PCSK5: variants seen among roughly 807,000 people sequenced by gnomAD.
The protein encoded by PCSK5 is proprotein convertase subtilisin/kexin type 5, also known as prohormone convertase 5.
In PCSK5, 129 loss-of-function variants were observed where a neutral mutation model predicts 233.2. The ratio of observed to expected loss-of-function variants is 0.55; its 90% CI spans 0.48 to 0.64. The LOEUF (loss-of-function observed/expected upper bound fraction) is 0.64, where lower values mean the gene tolerates loss of function less well. PCSK5 is among the 30% of genes least tolerant of loss of function. The pLI is 0.00. For synonymous variants in PCSK5, 825 were observed against 879.2 expected, an observed-to-expected ratio of 0.94 and a Z score of 1.09; for missense variants, 2,076 against 2,430.1, an observed-to-expected ratio of 0.85 and a Z score of 3.06.
intron 24 of PCSK5, among the ~76,000 whole-genome samples, chr9:76,278,074 G>C (rs1256098367): frequency 2.0e-5 from 3 of 152,122 alleles, no homozygotes; most frequent in African/African-American, 7.2e-5. Flanking sequence ...GGAGCAGTAG[G>C]ACATCTCAAC....
chr9:76,294,408 A>C (rs1828373543), intron 25 of PCSK5, among the ~76,000 whole-genome samples: 1 of 152,140 alleles, frequency 6.6e-6, no homozygotes, highest in Non-Finnish European at 1.5e-5. Context: ...ATAAAAGCTA[A>C]GCTACTTCGC....
At chr9:76,199,442 A>C (rs1824828155) in intron 20 of PCSK5, among the ~76,000 whole-genome samples, 1 of 152,338 alleles carries the variant, frequency 6.6e-6, no homozygotes, top group Admixed American at 6.5e-5. Flanking sequence ...AATGTAGAAT[A>C]AAGGTGAATT....
chr9:76,183,564 G>T (rs187699460), intron 16 of PCSK5, among the ~76,000 whole-genome samples: 4 of 152,218 alleles, frequency 2.6e-5, no homozygotes, highest in Non-Finnish European at 4.4e-5. Flanking sequence ...CCCACTGGAG[G>T]TGCTTAAAGC....
chr9:76,042,843 T>G (rs1829181158), intron 5 of PCSK5, among the ~76,000 whole-genome samples: 1 of 152,200 alleles, frequency 6.6e-6, no homozygotes, highest in Admixed American at 6.5e-5. Flanking sequence ...TGAGATGTTT[T>G]TAATGAACGT....
intron 37 of PCSK5, 122 bp downstream of exon 37, chr9:76,354,341 C>A: frequency 1.4e-6 from 1 of 709,974 alleles, no homozygotes; most frequent in Non-Finnish European, 2.3e-6. Flanking sequence ...TTATTGAGTG[C>A]CTACTATGGG....
intron 10 of PCSK5, among the ~76,000 whole-genome samples, chr9:76,150,875 G>A (rs1348762316): frequency 6.6e-6 from 1 of 152,088 alleles, no homozygotes; most frequent in Admixed American, 6.6e-5. Flanking sequence ...TTCTGGGAGC[G>A]TTCTGGCTTT....
chr9:75,893,493 C>T (rs1339616067), intron 1 of PCSK5, among the ~76,000 whole-genome samples: 1 of 152,136 alleles, frequency 6.6e-6, no homozygotes, highest in East Asian at 1.9e-4. Flanking sequence ...TTAGTTCAAA[C>T]GCACCTAGCT....
intron 24 of PCSK5, among the ~76,000 whole-genome samples, chr9:76,242,427 T>G (rs994613775): frequency 2.0e-5 from 3 of 152,206 alleles, no homozygotes; most frequent in African/African-American, 7.2e-5. Flanking sequence ...TATAAAATGA[T>G]GCTTATATTA....
chr9:76,312,970 AG>A (rs150626835), intron 30 of PCSK5, among the ~76,000 whole-genome samples: 1,931 of 152,320 alleles, frequency 0.013, 32 homozygotes, highest in African/African-American at 0.043. Flanking sequence ...AAGGGCTAAG[AG>A]ATTCCAAGAG....
chr9:75,901,230 A>G (rs976993259), intron 1 of PCSK5, among the ~76,000 whole-genome samples: 17 of 152,234 alleles, frequency 1.1e-4, no homozygotes, highest in African/African-American at 3.9e-4. Context: ...CCAAATGCCC[A>G]TCAATTATAG....
chr9:76,040,498 G>A (rs377713833), intron 5 of PCSK5, among the ~76,000 whole-genome samples: 67 of 151,790 alleles, frequency 4.4e-4, no homozygotes, highest in African/African-American at 1.5e-3. Flanking sequence ...CAACAATTCC[G>A]AGCTTCCCAA....
chr9:76,057,107 C>T (rs959764109), intron 5 of PCSK5, among the ~76,000 whole-genome samples: 1 of 152,046 alleles, frequency 6.6e-6, no homozygotes, highest in Admixed American at 6.5e-5. Flanking sequence ...AGTTTTCTCC[C>T]TATGCTGAAA....
chr9:76,028,836 T>C (rs2131500290), intron 5 of PCSK5, among the ~76,000 whole-genome samples: 1 of 152,290 alleles, frequency 6.6e-6, no homozygotes, highest in South Asian at 2.1e-4. Context: ...GCTGAATTTC[T>C]TCCCAAATTT....
intron 2 of PCSK5, among the ~76,000 whole-genome samples, chr9:75,954,452 G>C (rs1211458054): frequency 3.3e-5 from 5 of 152,118 alleles, no homozygotes; most frequent in Non-Finnish European, 7.4e-5. Flanking sequence ...AACTGATGAG[G>C]CACCCAGGAA....
intron 5 of PCSK5, among the ~76,000 whole-genome samples, chr9:76,041,672 T>C (rs1470513157): frequency 1.3e-5 from 2 of 151,602 alleles, no homozygotes; most frequent in Non-Finnish European, 2.9e-5. Flanking sequence ...AAACCCCGTC[T>C]CTACTAAAAA....
intron 20 of PCSK5, among the ~76,000 whole-genome samples, chr9:76,197,701 ACC>A (rs140160456): frequency 0.36 from 54,510 of 151,616 alleles, 10,240 homozygotes; most frequent in East Asian, 0.66. Context: ...CCAATTTAAT[ACC>A]CCCCCTCCTT....
chr9:76,265,200 A>G (rs1026977044), intron 24 of PCSK5, among the ~76,000 whole-genome samples: 50 of 152,126 alleles, frequency 3.3e-4, no homozygotes, highest in African/African-American at 1.2e-3. Flanking sequence ...AAGGGAACTA[A>G]ACATGGGGTA....
chr9:76,019,322 T>G (rs538695260), intron 3 of PCSK5, among the ~76,000 whole-genome samples: 2 of 152,112 alleles, frequency 1.3e-5, no homozygotes, highest in Non-Finnish European at 2.9e-5. Flanking sequence ...TTTGAGTATA[T>G]GTACCCTTTA....
intron 3 of PCSK5, among the ~76,000 whole-genome samples, chr9:76,006,455 C>A (rs982694961): frequency 6.6e-6 from 1 of 151,682 alleles, no homozygotes. Context: ...CCTTTATATG[C>A]CCTTCATTCC....
Sources: gnomAD v4.1 joint callset for allele counts (sites outside exome capture counted in the v4.1 genomes callset) on GRCh38, gnomAD v4.1.1 for gene constraint, MANE v1.5 for transcripts, NCBI Gene and HGNC (gene_info 2026-07-23, HGNC 2026-07-21) for gene names.